Variants in ISM1 observed in about 807,000 individuals in gnomAD.
ISM1 encodes isthmin-1.
ISM1 carries 25 observed loss-of-function variants against 46.3 expected under a neutral mutation model. The ratio of observed to expected loss-of-function variants is 0.54; its 90% CI spans 0.39 to 0.75. The LOEUF (loss-of-function observed/expected upper bound fraction) is 0.75, where lower values mean the gene tolerates loss of function less well. ISM1 is among the 30% of genes least tolerant of loss of function. The pLI is 0.00. For synonymous variants in ISM1, 255 were observed against 256.7 expected (o/e 0.99, Z 0.06); for missense variants, 536 against 625.4 (o/e 0.86, Z 1.52).
rs764476043 is a variant in ISM1, at chr20:13,221,857, G to A, written c.81G>A (p.Ser27=). Residue 27 remains serine, a synonymous_variant, in exon 1 of 6, where the codon TCG becomes TCA. Coordinates refer to ENST00000262487, the MANE Select transcript of ISM1 (RefSeq NM_080826.2). ...TGCACATCACCGTGCTGCGCGGCTC[G>A]GGAGCCGCCGACGGGCCCGACGCGG... ...LTLHITVLRG[S]GAADGPDAAA... The A allele has an allele frequency of 1.3e-5, 19 of 1,432,500 alleles. No individual in the cohort carries two copies. Among genetic ancestry groups the A allele is most frequent in the Admixed American group, 5.5e-5 (2 of 36,356 alleles). 88.7% of individuals were successfully genotyped at this position (1,432,500 alleles called of 1,614,324 possible).
intron 1 of ISM1, among the ~76,000 whole-genome samples, chr20:13,225,447 A>G (rs1055426702): frequency 6.6e-6 from 1 of 152,224 alleles, no homozygotes; most frequent in Admixed American, 6.5e-5. Flanking sequence ...ATACACATAC[A>G]TTATATATAC....
At chr20:13,316,974 T>G in the ISM1 span, among the ~76,000 whole-genome samples, 1 of 151,870 alleles carries the variant, frequency 6.6e-6, no homozygotes, top group East Asian at 1.9e-4. Context: ...CCATATAGAT[T>G]GAGAAGGAAA....
At chr20:13,320,179 C>G in the ISM1 span, among the ~76,000 whole-genome samples, 1 of 152,194 alleles carries the variant, frequency 6.6e-6, no homozygotes, top group Non-Finnish European at 1.5e-5. Context: ...CTCATGGGTC[C>G]TGGAAGAGCA....
the ISM1 span, among the ~76,000 whole-genome samples, chr20:13,318,214 G>T: frequency 6.6e-6 from 1 of 151,724 alleles, no homozygotes; most frequent in Non-Finnish European, 1.5e-5. Context: ...TATACAGATG[G>T]CAAATAAGCA....
At position 13,299,697 on chromosome 20, in the gene ISM1, C is replaced by T; in HGVS notation, c.*238C>T. 4.6e-6 allele frequency: 2 copies of T among 433,196 alleles called. No homozygotes were observed. The allele number at this position is 433,196 out of a possible 1,614,324, so 26.8% of individuals were successfully genotyped here. A position where few individuals can be genotyped will look rare whatever the true frequency, so the allele number is the denominator to read the frequency against. On this transcript the variant is annotated 3_prime_UTR_variant, in exon 6 of 6. Transcript: ENST00000262487. The surrounding 1 kb of genome is among the most constrained non-coding windows in gnomAD (Gnocchi z 5.8). ...AAGTGCCCCTGGGGAGCGATGTGGG[C>T]AGAAGGATGGGGACAACTTGGAAGC... is the stretch of plus-strand genomic sequence containing the variant.
At chr20:13,277,640 A>T (rs1486608285) in intron 2 of ISM1, among the ~76,000 whole-genome samples, 179 of 118,332 alleles carry the variant, frequency 1.5e-3, no homozygotes, top group African/African-American at 6.7e-3. Context: ...CTTCCCCCCT[A>T]CCCTTTTTTT....
At position 13,283,879 on chromosome 20, in the gene ISM1, T is replaced by A. The variant is rs554138857; in HGVS notation, c.643+3981T>A. Among the ~76,000 whole-genome samples, 5 of 152,348 alleles carry A rather than the reference T, an allele frequency of 3.3e-5. No individual in the cohort carries two copies. The East Asian group carries it at 7.7e-4, about 23-fold the overall frequency. ...ATTTTTTTTCAGTGGTTTTCCTTTATAATGTTTAATTATGGCCACGTAAGA... is the reference window on the plus strand; with the variant it reads ...ATTTTTTTTCAGTGGTTTTCCTTTAAAATGTTTAATTATGGCCACGTAAGA... On this transcript the variant is annotated intron_variant, in intron 3 of 5. Coordinates refer to ENST00000262487, the MANE Select transcript of ISM1 (RefSeq NM_080826.2).
the ISM1 span, among the ~76,000 whole-genome samples, chr20:13,307,539 A>G: frequency 6.6e-6 from 1 of 152,216 alleles, no homozygotes; most frequent in African/African-American, 2.4e-5. Context: ...AAATTTTACC[A>G]CAACACAAAA....
At chr20:13,253,096 T>C in intron 1 of ISM1, among the ~76,000 whole-genome samples, 1 of 152,216 alleles carries the variant, frequency 6.6e-6, no homozygotes, top group Non-Finnish European at 1.5e-5. Context: ...GGCCTGTTGC[T>C]GCTCCATTTG....
intron 3 of ISM1, among the ~76,000 whole-genome samples, chr20:13,285,568 G>T (rs770172116): frequency 4.6e-5 from 7 of 152,274 alleles, no homozygotes; most frequent in African/African-American, 7.2e-5. Context: ...AGAGTTCCCT[G>T]CAGCAAGACG....
chr20:13,279,707 G>C lies in ISM1; in HGVS notation c.452G>C (p.Trp151Ser), dbSNP rs1290882697. 2.5e-6 allele frequency: 4 copies of C among 1,613,906 alleles called. No homozygotes were observed. Among genetic ancestry groups the C allele is most frequent in the Admixed American group, 1.7e-5 (1 of 60,004 alleles). Residue 151 changes from tryptophan to serine, a missense_variant, in exon 3 of 6, where the codon TGG (tryptophan) becomes TCG (serine). By Grantham distance (177) the Trp-to-Ser change is radical. This residue lies in a region of ISM1 where 367 missense variants were observed against 376.1 expected (regional missense o/e 0.98). Transcript: ENST00000262487. ...CAGCATCCGGAGAATAAGCCCAGCT[G>C]GTCAGTCCCATCCCCCGACTGGCGG... ...KDQHPENKPS[W>S]SVPSPDWRAW...
At chr20:13,253,738 A>G (rs112894008) in intron 1 of ISM1, among the ~76,000 whole-genome samples, 33 of 152,178 alleles carry the variant, frequency 2.2e-4, no homozygotes, top group African/African-American at 7.2e-4. Flanking sequence ...CACATGAATT[A>G]AATTAATAAC....
At position 13,275,549 on chromosome 20, in the gene ISM1, G is replaced by C. The variant is rs2040169616; in HGVS notation, c.379-4085G>C. On this transcript the variant is annotated intron_variant, in intron 2 of 5. Coordinates refer to ENST00000262487, the MANE Select transcript of ISM1 (RefSeq NM_080826.2). Reference sequence around the variant, plus strand: ...CACCACCATTTAGTCAGCCAGACTTGACCTCCGTAGCCCCATGCGGGTTAC... The same window carrying C: ...CACCACCATTTAGTCAGCCAGACTTCACCTCCGTAGCCCCATGCGGGTTAC... 1.3e-5 allele frequency among the ~76,000 whole-genome samples: 2 copies of C among 152,170 alleles called. 1 individual carries two copies. Among genetic ancestry groups the C allele is most frequent in the South Asian group, 4.1e-4 (2 of 4,830 alleles).
chr20:13,282,549 T>TCA (rs1220287712), intron 3 of ISM1, among the ~76,000 whole-genome samples: 1 of 152,196 alleles, frequency 6.6e-6, no homozygotes, highest in Non-Finnish European at 1.5e-5. Flanking sequence ...TCAGCCACCC[T>TCA]CACCCCCAGC....
chr20:13,247,100 A>C (rs113469684), intron 1 of ISM1, among the ~76,000 whole-genome samples: 5,527 of 152,088 alleles, frequency 0.036, 173 homozygotes, highest in African/African-American at 0.077. Flanking sequence ...GTGTGGTGGC[A>C]CATGCTTGTA....
intron 1 of ISM1, among the ~76,000 whole-genome samples, chr20:13,264,850 G>A (rs543092993): frequency 1.3e-5 from 2 of 152,312 alleles, no homozygotes; most frequent in African/African-American, 4.8e-5. Flanking sequence ...TCTCAGCAGA[G>A]CTTTCCCAAG....
intron 1 of ISM1, among the ~76,000 whole-genome samples, chr20:13,254,884 A>T (rs773571955): frequency 6.6e-6 from 1 of 152,190 alleles, no homozygotes; most frequent in Non-Finnish European, 1.5e-5. Flanking sequence ...CCTGTTTGTC[A>T]TTCCTTCCTT....
At chr20:13,312,587 G>A in the ISM1 span, among the ~76,000 whole-genome samples, 1 of 152,126 alleles carries the variant, frequency 6.6e-6, no homozygotes, top group African/African-American at 2.4e-5. Context: ...CTAATGAGTC[G>A]CAGCCTGCTG....
At chr20:13,267,912 T>C (rs1382066420) in intron 1 of ISM1, among the ~76,000 whole-genome samples, 1 of 152,196 alleles carries the variant, frequency 6.6e-6, no homozygotes, top group Non-Finnish European at 1.5e-5. Flanking sequence ...TCTGGGCCCC[T>C]TCCAAGATTT....
Sources: gnomAD v4.1 joint callset for allele counts (sites outside exome capture counted in the v4.1 genomes callset) on GRCh38, gnomAD v4.1.1 for gene constraint, gnomAD v4.1.1 regional missense constraint, Gnocchi (gnomAD v3.1) non-coding constraint, MANE v1.5 for transcripts, NCBI Gene and HGNC (gene_info 2026-07-23, HGNC 2026-07-21) for gene names.